The following DGKB variants were observed in gnomAD, a reference collection of about 807,000 sequenced individuals.
The protein encoded by DGKB is 90 kDa diacylglycerol kinase.
A neutral mutation model predicts 114.3 loss-of-function variants in DGKB; 67 were observed. The ratio of observed to expected loss-of-function variants is 0.59; its 90% CI spans 0.48 to 0.72. The LOEUF is 0.72. DGKB is among the 30% of genes least tolerant of loss of function. The pLI is 0.00. For synonymous variants in DGKB, 398 were observed against 323.1 expected, an observed-to-expected ratio of 1.23 and a Z score of -2.49; for missense variants, 907 against 975.2, an observed-to-expected ratio of 0.93 and a Z score of 0.93.
chr7:14,291,919 T>C (rs181234307), intron 23 of DGKB, among the ~76,000 whole-genome samples: 236 of 152,232 alleles, frequency 1.6e-3, no homozygotes, highest in Admixed American at 2.6e-3. Context: ...GGAGGTAATA[T>C]CAGGAGTTTC....
chr7:14,444,269 A>G (rs1830449543), intron 21 of DGKB, among the ~76,000 whole-genome samples: 1 of 151,986 alleles, frequency 6.6e-6, no homozygotes, highest in Non-Finnish European at 1.5e-5. Flanking sequence ...GACATTGTAT[A>G]TGATAGTTAT....
At chr7:14,929,910 A>ATTTTTG (rs1784921039) in intron 1 of DGKB, among the ~76,000 whole-genome samples, 1 of 152,048 alleles carries the variant, frequency 6.6e-6, no homozygotes, top group African/African-American at 2.4e-5. Context: ...ATGTTGAGAG[A>ATTTTTG]TAGGGGTTCA....
In DGKB at chr7:14,188,684, A is replaced by AG. The variant is rs1398507158; in HGVS notation, c.2123-10534_2123-10533insC. Reference sequence around the variant, plus strand: ...CAAAAAAAAAAAAAAAAAAAAAAAAAAGATCCCCAATTACATTCAATCCAA... The same window carrying AG: ...CAAAAAAAAAAAAAAAAAAAAAAAAAGAGATCCCCAATTACATTCAATCCAA... On this transcript the variant is annotated intron_variant, in intron 23 of 25. Coordinates refer to ENST00000402815, the MANE Select transcript of DGKB (RefSeq NM_001350709.2). Among the ~76,000 whole-genome samples, 101 of 150,656 alleles carry AG rather than the reference A, an allele frequency of 6.7e-4. 5 individuals carry two copies. Among genetic ancestry groups the AG allele is most frequent in the African/African-American group, 2.2e-3 (92 of 41,140 alleles).
intron 4 of DGKB, among the ~76,000 whole-genome samples, chr7:14,742,806 T>C (rs575854070): frequency 6.6e-6 from 1 of 152,156 alleles, no homozygotes; most frequent in Non-Finnish European, 1.5e-5. Flanking sequence ...GCAAGGTGTG[T>C]AAGAAGAGTA....
intron 21 of DGKB, among the ~76,000 whole-genome samples, chr7:14,409,036 A>C (rs564545093): frequency 6.6e-6 from 1 of 152,296 alleles, no homozygotes; most frequent in East Asian, 1.9e-4. Flanking sequence ...CAAACAATAC[A>C]TGGCACCATT....
At position 14,816,061 on chromosome 7, in the gene DGKB, T is replaced by G. The variant is rs113068225; in HGVS notation, c.70+25133A>C. Among the ~76,000 whole-genome samples the G allele has an allele frequency of 6.7e-3, 1,019 of 152,296 alleles. 12 individuals carry two copies. Among genetic ancestry groups the G allele is most frequent in the African/African-American group, 0.023 (962 of 41,560 alleles). ...TAAAAATTATCTCAGGTGGGCACAG[T>G]GGCTCACGTCTGTAATCCCAGCACT... is the stretch of plus-strand genomic sequence containing the variant. On this transcript the variant is annotated intron_variant, in intron 2 of 25. Coordinates refer to ENST00000402815, the MANE Select transcript of DGKB (RefSeq NM_001350709.2).
At chr7:14,806,201 T>G (rs1425162946) in intron 2 of DGKB, among the ~76,000 whole-genome samples, 2 of 151,940 alleles carry the variant, frequency 1.3e-5, no homozygotes, top group East Asian at 1.9e-4. Context: ...AAGACCTAAC[T>G]TTCACTCAAA....
intron 23 of DGKB, among the ~76,000 whole-genome samples, chr7:14,279,693 C>A (rs1297253093): frequency 6.6e-6 from 1 of 151,994 alleles, no homozygotes; most frequent in African/African-American, 2.4e-5. Context: ...TCAAGTGGGT[C>A]CCTCACCCCT....
chr7:14,910,276 A>G (rs536068168), intron 1 of DGKB, among the ~76,000 whole-genome samples: 2 of 115,772 alleles, frequency 1.7e-5, no homozygotes, highest in Non-Finnish European at 4.4e-5. Flanking sequence ...GAAAGAAAGA[A>G]AGAAAGAAAG....
At chr7:14,956,866 A>G (rs1187457877) in intron 1 of DGKB, among the ~76,000 whole-genome samples, 3 of 149,508 alleles carry the variant, frequency 2.0e-5, no homozygotes, top group African/African-American at 7.3e-5. Flanking sequence ...TTTTTTTTTT[A>G]AGGCAAATGA....
intron 23 of DGKB, chr7:14,191,740 T>C: frequency 2.9e-6 from 1 of 346,732 alleles, no homozygotes; most frequent in Non-Finnish European, 5.9e-6. Context: ...GTGCCAACAT[T>C]GCTGATGACA....
At chr7:14,708,754 C>T (rs1826772458) in intron 6 of DGKB, among the ~76,000 whole-genome samples, 2 of 150,612 alleles carry the variant, frequency 1.3e-5, no homozygotes. Context: ...GGAAAACTGG[C>T]TAGCCATACG....
chr7:14,367,427 A>T (rs1816862223), intron 21 of DGKB, among the ~76,000 whole-genome samples: 1 of 151,888 alleles, frequency 6.6e-6, no homozygotes, highest in Non-Finnish European at 1.5e-5. Context: ...TCCCCTGCAC[A>T]CACTCTTGCC....
chr7:14,191,355 G>C, intron 23 of DGKB: 1 of 156,510 alleles, frequency 6.4e-6, no homozygotes. Context: ...TAACATCTGT[G>C]CCAATTTCTG....
At chr7:14,468,922 A>C (rs1780878214) in intron 21 of DGKB, among the ~76,000 whole-genome samples, 1 of 152,108 alleles carries the variant, frequency 6.6e-6, no homozygotes, top group Non-Finnish European at 1.5e-5. Context: ...TACAAACCCT[A>C]GGAATCGAAA....
chr7:14,344,473 A>G (rs1812146027), intron 22 of DGKB, among the ~76,000 whole-genome samples: 1 of 151,750 alleles, frequency 6.6e-6, no homozygotes, highest in Non-Finnish European at 1.5e-5. Context: ...TGATTTAGGT[A>G]TCAGTAGCAA....
chr7:14,870,293 T>C (rs908381944), intron 1 of DGKB, among the ~76,000 whole-genome samples: 6 of 152,208 alleles, frequency 3.9e-5, no homozygotes, highest in Admixed American at 1.3e-4. Flanking sequence ...ATCTGCATTT[T>C]ATGTGCTCAA....
intron 9 of DGKB, among the ~76,000 whole-genome samples, chr7:14,686,530 G>C (rs1404615): frequency 0.58 from 88,518 of 151,956 alleles, 26,534 homozygotes; most frequent in East Asian, 0.86. Context: ...TTCTGAGCAT[G>C]TTTTAAGTGC....
At chr7:14,617,472 A>G (rs2128807349) in intron 15 of DGKB, among the ~76,000 whole-genome samples, 1 of 151,696 alleles carries the variant, frequency 6.6e-6, no homozygotes, top group South Asian at 2.1e-4. Context: ...CATCCTAACA[A>G]GCCTACGTCT....
Sources: gnomAD v4.1 joint callset for allele counts (sites outside exome capture counted in the v4.1 genomes callset) on GRCh38, gnomAD v4.1.1 for gene constraint, MANE v1.5 for transcripts, NCBI Gene and HGNC (gene_info 2026-07-23, HGNC 2026-07-21) for gene names.